CLPX: variants seen among roughly 807,000 people sequenced by gnomAD.
CLPX encodes the protein ATP-dependent clpX-like chaperone, mitochondrial.
CLPX carries 34 observed loss-of-function variants against 76.4 expected under a neutral mutation model. The ratio of observed to expected loss-of-function variants is 0.45; its 90% CI spans 0.34 to 0.59. The LOEUF (loss-of-function observed/expected upper bound fraction) is 0.59. CLPX is among the 20% of genes least tolerant of loss of function. CLPX has a pLI of 0.01. For missense variants in CLPX, 613 were observed against 757.0 expected (o/e 0.81, Z 2.23); for synonymous variants, 248 against 270.9 (o/e 0.92, Z 0.83).
At chr15:65,162,322 C>T (rs1293110120) in intron 6 of CLPX, among the ~76,000 whole-genome samples, 1 of 152,120 alleles carries the variant, frequency 6.6e-6, no homozygotes, top group South Asian at 2.1e-4. Context: ...AATCTGCCTC[C>T]CCCAAATTCC....
intron 3 of CLPX, among the ~76,000 whole-genome samples, chr15:65,176,064 A>AT (rs1323850111): frequency 6.6e-6 from 1 of 152,184 alleles, no homozygotes; most frequent in Non-Finnish European, 1.5e-5. Context: ...TTCTACTCCC[A>AT]TATCACCACC....
intron 1 of CLPX, among the ~76,000 whole-genome samples, chr15:65,183,170 A>C (rs1041191737): frequency 6.6e-6 from 1 of 150,902 alleles, no homozygotes; most frequent in Non-Finnish European, 1.5e-5. Flanking sequence ...CAAGACAGAC[A>C]CACAAAAAGA....
chr15:65,165,089 C>A (rs934467213), intron 4 of CLPX, among the ~76,000 whole-genome samples: 1 of 152,068 alleles, frequency 6.6e-6, no homozygotes, highest in Non-Finnish European at 1.5e-5. Context: ...GTAATCCCTG[C>A]ACTTTGGGAG....
intron 11 of CLPX, among the ~76,000 whole-genome samples, chr15:65,154,494 GA>G (rs2087762942): frequency 6.6e-6 from 1 of 152,182 alleles, no homozygotes; most frequent in South Asian, 2.1e-4. Flanking sequence ...TACCAAGACT[GA>G]AAGGACAATC....
intron 6 of CLPX, among the ~76,000 whole-genome samples, chr15:65,162,239 A>G (rs1054438517): frequency 9.2e-5 from 14 of 152,152 alleles, no homozygotes; most frequent in Non-Finnish European, 1.3e-4. Context: ...CATAATTTGT[A>G]AGACTGTAAG....
At chr15:65,154,182 G>T (rs1595936193) in intron 11 of CLPX, among the ~76,000 whole-genome samples, 1 of 152,170 alleles carries the variant, frequency 6.6e-6, no homozygotes, top group South Asian at 2.1e-4. Context: ...AAGTAAAGAG[G>T]AAGATAATGA....
chr15:65,153,983 T>C (rs752063520), intron 11 of CLPX, among the ~76,000 whole-genome samples: 6 of 152,214 alleles, frequency 3.9e-5, no homozygotes, highest in Non-Finnish European at 7.3e-5. Flanking sequence ...CAAACTAGCA[T>C]TTATAGTCCA....
At position 65,156,725 on chromosome 15, in the gene CLPX, T is replaced by C. The variant is rs182462399; in HGVS notation, c.1146+119A>G. 21 of 587,796 alleles carry C rather than the reference T, an allele frequency of 3.6e-5. No individual in the cohort carries two copies. In the Admixed American group the frequency reaches 4.2e-4, roughly 12 times the overall value. The allele number at this position is 587,796 out of a possible 1,614,324, so 36.4% of individuals were successfully genotyped here. On this transcript the variant is annotated intron_variant, in intron 9 of 13. Transcript: ENST00000300107. ...ACTACTTCAAAATGATATGTGGAGT[T>C]TGGGGGCGGAAGAAATAAAACAGAA...
intron 3 of CLPX, among the ~76,000 whole-genome samples, chr15:65,169,382 G>A (rs186854799): frequency 5.9e-5 from 9 of 152,214 alleles, no homozygotes; most frequent in Non-Finnish European, 1.3e-4. Context: ...GATTACAGGC[G>A]TGACCCACTG....
rs1445558753 is a variant in CLPX, at chr15:65,149,040, T to C, written c.*1783A>G. ...AAAATGTTCTAAGAAGCCAAAGAAT[T>C]AGACCAAAATGTTCAGCACCAAAAA... On this transcript the variant is annotated 3_prime_UTR_variant, in exon 14 of 14. Coordinates refer to ENST00000300107, the MANE Select transcript of CLPX (RefSeq NM_006660.5). 6.6e-6 allele frequency: 1 copy of C among 152,190 alleles called. No individual in the cohort carries two copies. The highest frequency in any genetic ancestry group is 1.5e-5 in the Non-Finnish European group (1 of 68,032). 9.4% of individuals were successfully genotyped at this position (152,190 alleles called of 1,614,324 possible). A position where few individuals can be genotyped will look rare whatever the true frequency, so the allele number is the denominator to read the frequency against.
At chr15:65,166,866 T>G in intron 3 of CLPX, 81 bp from the exon 4 acceptor site, 1 of 1,388,026 alleles carries the variant, frequency 7.2e-7, no homozygotes, top group East Asian at 2.3e-5. Context: ...CCACTGTAAA[T>G]GAAAGCTACG....
At chr15:65,161,695 TA>T (rs1463681826) in intron 6 of CLPX, among the ~76,000 whole-genome samples, 2 of 152,222 alleles carry the variant, frequency 1.3e-5, no homozygotes, top group Non-Finnish European at 2.9e-5. Context: ...TATATTTTTT[TA>T]TTATGAAATA....
In CLPX at chr15:65,153,470, A is replaced by G. The variant is rs2087749796; in HGVS notation, c.1704+77T>C. 3 of 921,660 alleles carry G rather than the reference A, an allele frequency of 3.3e-6. No homozygotes were observed. The Admixed American group carries it at 7.1e-5, about 22-fold the overall frequency. 57.1% of individuals were successfully genotyped at this position (921,660 alleles called of 1,614,324 possible). A position where few individuals can be genotyped will look rare whatever the true frequency, so the allele number is the denominator to read the frequency against. ...CAAAATATATATACATATTTTCCAA[A>G]AGAAAAACAGGGAAGCTTAATATAC... On this transcript the variant is annotated intron_variant, in intron 12 of 13. Coordinates refer to ENST00000300107, the MANE Select transcript of CLPX (RefSeq NM_006660.5).
intron 4 of CLPX, 72 bp downstream of exon 4, chr15:65,166,558 TA>T: frequency 6.7e-7 from 1 of 1,482,662 alleles, no homozygotes; most frequent in Non-Finnish European, 9.3e-7. Flanking sequence ...GGATTCAGTG[TA>T]AACTTGGGAG....
chr15:65,165,491 C>T (rs1455559458), intron 4 of CLPX, among the ~76,000 whole-genome samples: 6 of 144,410 alleles, frequency 4.2e-5, no homozygotes, highest in Non-Finnish European at 9.0e-5. Flanking sequence ...TCACGCCATT[C>T]TCCTGCCTCA....
chr15:65,183,062 G>A (rs1395248828), intron 1 of CLPX, among the ~76,000 whole-genome samples: 2 of 151,742 alleles, frequency 1.3e-5, no homozygotes, highest in Admixed American at 1.3e-4. Flanking sequence ...TACTCAGGAG[G>A]CTGAGGCAGA....
chr15:65,177,789 T>A (rs1397729595), intron 3 of CLPX, among the ~76,000 whole-genome samples: 1 of 152,120 alleles, frequency 6.6e-6, no homozygotes, highest in Non-Finnish European at 1.5e-5. Flanking sequence ...AAAAGTAGGA[T>A]ACATGATTTT....
intron 6 of CLPX, among the ~76,000 whole-genome samples, chr15:65,159,941 T>C (rs1466299617): frequency 2.0e-5 from 3 of 151,598 alleles, no homozygotes; most frequent in African/African-American, 7.3e-5. Flanking sequence ...GCATCCCGAG[T>C]AGTTGGGATT....
intron 3 of CLPX, among the ~76,000 whole-genome samples, chr15:65,168,630 G>A (rs986194351): frequency 1.3e-5 from 2 of 150,160 alleles, no homozygotes; most frequent in African/African-American, 4.9e-5. Flanking sequence ...GATAGCATTA[G>A]GAGATATACC....
Sources: allele counts gnomAD v4.1 joint callset (sites outside exome capture counted in the v4.1 genomes callset), GRCh38; gene constraint gnomAD v4.1.1; transcripts MANE v1.5; gene names NCBI Gene and HGNC (gene_info 2026-07-23, HGNC 2026-07-21).